The following MAGT1 variants were observed in gnomAD, a reference collection of about 807,000 sequenced individuals.
The protein encoded by MAGT1 is magnesium transporter 1.
Under a neutral mutation model 28.4 loss-of-function variants are expected in MAGT1, and 4 were observed. The ratio of observed to expected loss-of-function variants is 0.14; its 90% CI spans 0.07 to 0.32. The LOEUF (loss-of-function observed/expected upper bound fraction) is 0.32. Among genes scored for constraint, MAGT1 ranks in the 10% least tolerant of loss-of-function variants. The pLI, the probability that MAGT1 is intolerant of heterozygous loss-of-function variation, is 1.00. For missense variants in MAGT1, 193 were observed against 264.5 expected, an observed-to-expected ratio of 0.73 and a Z score of 1.88; for synonymous variants, 89 against 89.7, an observed-to-expected ratio of 0.99 and a Z score of 0.04.
intron 6 of MAGT1, among the ~76,000 whole-genome samples, chrX:77,855,158 A>G (rs980527846): frequency 9.0e-6 from 1 of 111,200 alleles, no homozygotes; most frequent in Admixed American, 9.6e-5. Context: ...TACTAAAAAT[A>G]CAAAATTAGC....
chrX:77,830,416 C>T (rs1359821979), intron 9 of MAGT1, among the ~76,000 whole-genome samples: 3 of 110,670 alleles, frequency 2.7e-5, no homozygotes, highest in Non-Finnish European at 5.7e-5. Context: ...GGTCAGGAGT[C>T]CAAGACCTGA....
chrX:77,834,229 TATATGTATATATATGC>T (rs1306457343), intron 8 of MAGT1, among the ~76,000 whole-genome samples: 1 of 86,396 alleles, frequency 1.2e-5, no homozygotes, highest in Non-Finnish European at 2.4e-5. Flanking sequence ...TATATATGCA[TATATGTATATATATGC>T]ATATATATAC....
chrX:77,873,895 CA>C (rs1452764174), intron 2 of MAGT1, among the ~76,000 whole-genome samples: 1 of 111,304 alleles, frequency 9.0e-6, no homozygotes. Context: ...ACTTTCACCA[CA>C]TCCTCTCCTA....
chrX:77,846,358 C>T (rs2076951465), intron 7 of MAGT1, among the ~76,000 whole-genome samples: 1 of 111,512 alleles, frequency 9.0e-6, no homozygotes, highest in Non-Finnish European at 1.9e-5. Context: ...AGGTTTTTAA[C>T]TTCTTTGCCA....
intron 3 of MAGT1, among the ~76,000 whole-genome samples, chrX:77,862,887 C>T (rs2076998250): frequency 9.0e-6 from 1 of 111,566 alleles, no homozygotes; most frequent in African/African-American, 3.3e-5. Context: ...GAACTCACGG[C>T]CAGGCACGGT....
chrX:77,842,244 A>C (rs1557214466), intron 7 of MAGT1, among the ~76,000 whole-genome samples: 2 of 108,655 alleles, frequency 1.8e-5, no homozygotes, highest in Non-Finnish European at 3.8e-5. Context: ...AAATACAAAA[A>C]ATTGGCCAGG....
chrX:77,857,442 T>C lies in MAGT1; in HGVS notation c.446A>G (p.Lys149Arg), dbSNP rs1250212354. 2 of 1,210,152 alleles carry C rather than the reference T, an allele frequency of 1.7e-6. No individual in the cohort carries two copies. Among genetic ancestry groups the C allele is most frequent in the East Asian group, 5.9e-5 (2 of 33,805 alleles). The change falls in exon 4 of 10, where the codon AAA becomes AGA. Residue 149 changes from lysine to arginine, a missense_variant. Coordinates refer to ENST00000618282, the MANE Select transcript of MAGT1 (RefSeq NM_001367916.1). ...CTGTAACTCATATGTATCACCCCGT[T>C]TGGGTTTCCCTTTTGCAGGAAAGTT... Reference protein sequence around the residue: ...FINFPAKGKPKRGDTYELQVR... With the variant: ...FINFPAKGKPRRGDTYELQVR...
intron 8 of MAGT1, among the ~76,000 whole-genome samples, chrX:77,834,191 T>C (rs782025351): frequency 1.5e-4 from 15 of 101,387 alleles, no homozygotes; most frequent in Non-Finnish European, 2.8e-4. Flanking sequence ...CATATATGTA[T>C]ATATATGCAT....
At chrX:77,891,693 G>A (rs1475742141) in intron 1 of MAGT1, among the ~76,000 whole-genome samples, 1 of 111,757 alleles carries the variant, frequency 8.9e-6, no homozygotes, top group African/African-American at 3.3e-5. Flanking sequence ...ACTTTAGGAG[G>A]TCAAAGCAGG....
intron 1 of MAGT1, among the ~76,000 whole-genome samples, chrX:77,894,955 G>A (rs782176934): frequency 9.0e-6 from 1 of 111,279 alleles, no homozygotes; most frequent in Non-Finnish European, 1.9e-5. Flanking sequence ...GAGTTACATC[G>A]GCCAGCAGTA....
rs782224356 is a variant in MAGT1, at chrX:77,864,860, C to T, written c.390+5948G>A. ...CCAAGTAGCTGGGATTACAGGTGCC[C>T]GACACCACACCTGGCTAATTTTTGT... On this transcript the variant is annotated intron_variant, in intron 3 of 9. Coordinates refer to ENST00000618282, the MANE Select transcript of MAGT1 (RefSeq NM_001367916.1). 1.1e-4 allele frequency among the ~76,000 whole-genome samples: 12 copies of T among 110,575 alleles called. No individual in the cohort carries two copies. The East Asian group carries it at 1.7e-3, about 16-fold the overall frequency.
rs185551321 is a variant in MAGT1 at position 77,862,622 on chromosome X, A to C, written c.391-5125T>G. On this transcript the variant is annotated intron_variant, in intron 3 of 9. Transcript: ENST00000618282. ...GAATAGACATTTCTCAAAAGAAGAC[A>C]CACATGGCCAACAGGTGTATGAAAA... Among the ~76,000 whole-genome samples, 23 of 112,205 alleles carry C rather than the reference A, an allele frequency of 2.0e-4. 1 individual carries two copies. Among genetic ancestry groups the C allele is most frequent in the Admixed American group, 1.5e-3 (16 of 10,497 alleles).
At chrX:77,848,984 A>T (rs1557215260) in intron 7 of MAGT1, among the ~76,000 whole-genome samples, 1 of 110,838 alleles carries the variant, frequency 9.0e-6, no homozygotes, top group Non-Finnish European at 1.9e-5. Context: ...ACTGTACTCA[A>T]GCCTGGGCAA....
intron 1 of MAGT1, among the ~76,000 whole-genome samples, chrX:77,878,981 T>G (rs1446823947): frequency 9.0e-6 from 1 of 111,140 alleles, no homozygotes; most frequent in Non-Finnish European, 1.9e-5. Flanking sequence ...AGAAGCATGG[T>G]TAGTCGACAG....
chrX:77,866,183 T>G lies in MAGT1; in HGVS notation c.390+4625A>C, dbSNP rs2149022223. Among the ~76,000 whole-genome samples the G allele has an allele frequency of 3.1e-5, 2 of 63,609 alleles. 1 individual carries two copies. The highest frequency in any genetic ancestry group is 1.5e-3 in the South Asian group (2 of 1,373). The allele number at this position is 63,609 out of a possible 115,157, so 55.2% of individuals were successfully genotyped here. On this transcript the variant is annotated intron_variant, in intron 3 of 9. Coordinates refer to ENST00000618282, the MANE Select transcript of MAGT1 (RefSeq NM_001367916.1). ...AAAAAAAAGAGTGCATCAAAGAATA[T>G]GATTATGGGAAAGGTGTGACTGGAG...
chrX:77,885,544 G>T (rs1460508520), intron 1 of MAGT1: 1 of 107,919 alleles, frequency 9.3e-6, no homozygotes, highest in Non-Finnish European at 1.9e-5. Flanking sequence ...AGAGAGACAG[G>T]GTGTCACTTT....
chrX:77,855,622 G>C (rs2076979537), intron 5 of MAGT1, 32 bp from the exon 6 acceptor site: 3 of 1,022,715 alleles, frequency 2.9e-6, no homozygotes, highest in Non-Finnish European at 4.1e-6. Context: ...AAATATTCAT[G>C]GTCAAACTGT....
upstream of MAGT1, chrX:77,895,467 G>A (rs782611031): frequency 8.4e-6 from 10 of 1,189,264 alleles, no homozygotes; most frequent in Admixed American, 7.0e-5. Context: ...CTGAGGGTGG[G>A]GCGTGAGAAC....
intron 8 of MAGT1, chrX:77,837,350 C>T (rs2076921880): frequency 9.0e-6 from 1 of 111,573 alleles, no homozygotes; most frequent in Non-Finnish European, 1.9e-5. Flanking sequence ...TAGCATGGCC[C>T]CTGTGCAAGG....
Sources: gnomAD v4.1 joint callset for allele counts (sites outside exome capture counted in the v4.1 genomes callset) on GRCh38, gnomAD v4.1.1 for gene constraint, MANE v1.5 for transcripts, NCBI Gene and HGNC (gene_info 2026-07-23, HGNC 2026-07-21) for gene names.